The following CEP128 variants were observed in gnomAD, a reference collection of about 807,000 sequenced individuals.
CEP128 encodes the protein centrosomal protein 128kDa.
CEP128 carries 132 observed loss-of-function variants against 156.7 expected under a neutral mutation model. The observed-to-expected ratio is 0.84, with a 90% confidence interval of 0.73 to 0.97. The LOEUF is 0.97. Ranked by LOEUF, CEP128 falls within the 50% of genes least tolerant of loss-of-function variation. CEP128 has a pLI of 0.00. For missense variants in CEP128, 1,252 were observed against 1,281.9 expected, an observed-to-expected ratio of 0.98 and a Z score of 0.36; for synonymous variants, 469 against 448.9, an observed-to-expected ratio of 1.04 and a Z score of -0.57.
chr14:80,743,332 G>A lies in CEP128; in HGVS notation c.2614-65C>T, dbSNP rs1281418239. The A allele has an allele frequency of 7.9e-6, 10 of 1,260,482 alleles. No homozygotes were observed. In the Admixed American group the frequency reaches 1.2e-4, roughly 15 times the overall value. The allele number at this position is 1,260,482 out of a possible 1,614,324, so 78.1% of individuals were successfully genotyped here. A position where few individuals can be genotyped will look rare whatever the true frequency, so the allele number is the denominator to read the frequency against. Reference sequence around the variant, plus strand: ...AGAAAAGAGCAGCATTTCAAAACATGAAGAAAAAAATAAGTAACATAATTT... The same window carrying A: ...AGAAAAGAGCAGCATTTCAAAACATAAAGAAAAAAATAAGTAACATAATTT... On this transcript the variant is annotated intron_variant, in intron 18 of 24. Transcript: ENST00000555265.
At chr14:80,884,976 A>T (rs999477936) in intron 8 of CEP128, among the ~76,000 whole-genome samples, 1 of 152,184 alleles carries the variant, frequency 6.6e-6, no homozygotes, top group Non-Finnish European at 1.5e-5. Context: ...CATCGCCATT[A>T]CTGAGGCTAG....
intron 8 of CEP128, among the ~76,000 whole-genome samples, chr14:80,867,255 G>A (rs561018873): frequency 2.0e-5 from 3 of 152,218 alleles, no homozygotes; most frequent in African/African-American, 7.2e-5. Context: ...TTGTGTCTAT[G>A]GCATGGATAT....
intron 9 of CEP128, among the ~76,000 whole-genome samples, chr14:80,846,140 T>C (rs1595489965): frequency 1.3e-5 from 2 of 152,272 alleles, no homozygotes; most frequent in East Asian, 1.9e-4. Flanking sequence ...GGCAAGAACA[T>C]ATAAGTACAC....
At chr14:80,771,100 C>G (rs1211829137) in intron 16 of CEP128, among the ~76,000 whole-genome samples, 1 of 152,158 alleles carries the variant, frequency 6.6e-6, no homozygotes, top group African/African-American at 2.4e-5. Context: ...TTCACTGTTT[C>G]CTCTCACAGA....
At chr14:80,704,468 CAT>C (rs145372031) in intron 19 of CEP128, among the ~76,000 whole-genome samples, 19,146 of 151,778 alleles carry the variant, frequency 0.13, 1,578 homozygotes, top group East Asian at 0.43. Flanking sequence ...TATATATAAA[CAT>C]ATGTGTGTAG....
chr14:80,900,154 A>G (rs1320436012), intron 6 of CEP128, 125 bp from the exon 7 acceptor site: 1 of 603,530 alleles, frequency 1.7e-6, no homozygotes, highest in Non-Finnish European at 2.8e-6. Flanking sequence ...TATTATTATG[A>G]AAGAAAACAC....
chr14:80,928,361 G>A (rs555959803), intron 2 of CEP128, among the ~76,000 whole-genome samples: 93 of 152,054 alleles, frequency 6.1e-4, no homozygotes, highest in Admixed American at 1.1e-3. Context: ...AGATAAAAAG[G>A]AAAGGTGAAA....
intron 2 of CEP128, among the ~76,000 whole-genome samples, chr14:80,946,850 T>C (rs1293050840): frequency 6.6e-6 from 1 of 152,152 alleles, no homozygotes; most frequent in Non-Finnish European, 1.5e-5. Context: ...CAATCCCTAA[T>C]GTTGGGGGTG....
upstream of CEP128, among the ~76,000 whole-genome samples, chr14:80,943,350 AAG>A (rs1200647949): frequency 6.6e-6 from 1 of 152,246 alleles, no homozygotes; most frequent in African/African-American, 2.4e-5. Flanking sequence ...AAAGACATAA[AAG>A]AGAAACTTTC....
rs148228049 is a variant in CEP128, at chr14:80,523,803, T to C, written c.3072+3066A>G. On this transcript the variant is annotated intron_variant, in intron 23 of 24. Transcript: ENST00000555265. Reference sequence around the variant, plus strand: ...CAGAAAAAGGAAACATGTCATATAATGTGTAAAGGAAGAAGTAGATTAGTA... The same window carrying C: ...CAGAAAAAGGAAACATGTCATATAACGTGTAAAGGAAGAAGTAGATTAGTA... Among the ~76,000 whole-genome samples, 475 of 152,276 alleles carry C rather than the reference T, an allele frequency of 3.1e-3. 3 individuals carry two copies. The highest frequency in any genetic ancestry group is 0.011 in the African/African-American group (459 of 41,564).
At chr14:80,655,551 G>C (rs530630475) in intron 19 of CEP128, among the ~76,000 whole-genome samples, 14 of 152,202 alleles carry the variant, frequency 9.2e-5, no homozygotes, top group African/African-American at 3.4e-4. Context: ...GGATCCAGTG[G>C]GTGAGTATAT....
chr14:80,784,138 A>C (rs966107974), intron 15 of CEP128, among the ~76,000 whole-genome samples: 10 of 152,194 alleles, frequency 6.6e-5, no homozygotes, highest in Non-Finnish European at 1.3e-4. Context: ...GATATTTACA[A>C]TGTTCCAAAA....
At chr14:80,659,350 C>T (rs1232088587) in intron 19 of CEP128, among the ~76,000 whole-genome samples, 1 of 152,106 alleles carries the variant, frequency 6.6e-6, no homozygotes, top group African/African-American at 2.4e-5. Context: ...AAAATTCATC[C>T]TTATTACCTG....
At chr14:80,566,193 G>A (rs984704807) in intron 20 of CEP128, among the ~76,000 whole-genome samples, 2 of 152,104 alleles carry the variant, frequency 1.3e-5, no homozygotes, top group South Asian at 2.1e-4. Flanking sequence ...ACTGCATGGC[G>A]TTCTTCCTTC....
At position 80,792,958 on chromosome 14, in the gene CEP128, T is replaced by G; in HGVS notation, c.1362A>C (p.Ala454=). The G allele has an allele frequency of 6.2e-7, 1 of 1,614,194 alleles. No homozygotes were observed. The highest frequency in any genetic ancestry group is 8.5e-7 in the Non-Finnish European group (1 of 1,180,030). Residue 454 remains alanine (A), a synonymous_variant, in exon 14 of 25, where the codon GCA becomes GCC. Coordinates refer to ENST00000555265, the MANE Select transcript of CEP128 (RefSeq NM_152446.5). ...ISELTRHAED[A]TKQAERYLSE... ...TGAGGTACCGCTCAGCCTGCTTGGT[T>G]GCATCCTCCGCATGGCGAGTCAGCT...
rs190725998 is a variant in CEP128 at position 80,846,085 on chromosome 14, A to G, written c.763-5317T>C. 4.2e-3 allele frequency among the ~76,000 whole-genome samples: 643 copies of G among 152,274 alleles called. 9 individuals are homozygous for G. The highest frequency in any genetic ancestry group is 0.015 in the African/African-American group (613 of 41,568). ...TGGTGCTGCACAAAGTGACTCACAC[A>G]GATTCACGCTAGCCTTATTTGTTAT... is the stretch of plus-strand genomic sequence containing the variant. On this transcript the variant is annotated intron_variant, in intron 9 of 24. Coordinates refer to ENST00000555265, the MANE Select transcript of CEP128 (RefSeq NM_152446.5).
chr14:80,881,959 A>G (rs747208112), intron 8 of CEP128, among the ~76,000 whole-genome samples: 11 of 152,178 alleles, frequency 7.2e-5, no homozygotes, highest in Non-Finnish European at 1.2e-4. Context: ...GGAACAAGAC[A>G]AGAATGCCCA....
chr14:80,802,378 T>C (rs1396418175), intron 13 of CEP128, among the ~76,000 whole-genome samples: 2 of 152,104 alleles, frequency 1.3e-5, no homozygotes, highest in African/African-American at 4.8e-5. Context: ...TGAGATCGTG[T>C]CCTCTGCAGG....
chr14:80,477,113 T>C (rs1207861081), exon 15 of CEP128: 1 of 152,062 alleles, frequency 6.6e-6, no homozygotes, highest in African/African-American at 2.4e-5. Flanking sequence ...ATCAGAAATA[T>C]AGAGAATGGG....
Sources: gnomAD v4.1 joint callset for allele counts (sites outside exome capture counted in the v4.1 genomes callset) on GRCh38, gnomAD v4.1.1 for gene constraint, MANE v1.5 for transcripts, NCBI Gene and HGNC (gene_info 2026-07-23, HGNC 2026-07-21) for gene names.